CORO2A: variants seen among roughly 807,000 people sequenced by gnomAD.
The protein encoded by CORO2A is coronin-2A.
A neutral mutation model predicts 62.4 loss-of-function variants in CORO2A; 47 were observed. The observed-to-expected ratio is 0.75, with a 90% confidence interval of 0.60 to 0.96. The LOEUF (loss-of-function observed/expected upper bound fraction) is 0.96. Among genes scored for constraint, CORO2A ranks in the 40% least tolerant of loss-of-function variants. The pLI, the probability that CORO2A is intolerant of heterozygous loss-of-function variation, is 0.00. For synonymous variants in CORO2A, 273 were observed against 268.9 expected (o/e 1.02, Z -0.15); for missense variants, 610 against 684.1 (o/e 0.89, Z 1.21).
chr9:98,135,239 C>T (rs1256863110), intron 3 of CORO2A, among the ~76,000 whole-genome samples: 1 of 152,198 alleles, frequency 6.6e-6, no homozygotes, highest in Non-Finnish European at 1.5e-5. Flanking sequence ...CTTTGTCATC[C>T]TGCTGGCCTG....
At chr9:98,154,164 G>T (rs4743172) in intron 2 of CORO2A, among the ~76,000 whole-genome samples, 13,054 of 151,434 alleles carry the variant, frequency 0.086, 711 homozygotes, top group East Asian at 0.2. Flanking sequence ...TCCTTGTCTG[G>T]TTTTGGTATC....
In CORO2A at chr9:98,128,173, G is replaced by A. The variant is rs12375882; in HGVS notation, c.1168C>T (p.Arg390Ter). 5 of 1,612,142 alleles carry A rather than the reference G, an allele frequency of 3.1e-6. No homozygotes were observed. Among genetic ancestry groups the A allele is most frequent in the South Asian group, 1.1e-5 (1 of 90,668 alleles). The change falls in exon 10 of 12, where the codon CGA becomes TGA. Residue 390 changes from arginine to a stop codon, truncating the protein, a stop_gained. Transcript: ENST00000375077. LOFTEE classifies it high-confidence loss of function. ...GCCTCTTCTCTGCCTTCCTCACCTC[G>A]ATTCATCCCGCTGAGCCACTCCTGG... Reference protein sequence around the residue: ...TAQEWLSGMNRDPILVSLRPG... With the variant: ...TAQEWLSGMN
At chr9:98,182,488 C>T (rs537182737) in intron 1 of CORO2A, among the ~76,000 whole-genome samples, 6 of 152,274 alleles carry the variant, frequency 3.9e-5, no homozygotes, top group South Asian at 4.1e-4. Flanking sequence ...ACTCAGAGTA[C>T]CAGGCTTTTA....
chr9:98,144,488 T>C (rs994691107), intron 2 of CORO2A, among the ~76,000 whole-genome samples: 3 of 152,180 alleles, frequency 2.0e-5, no homozygotes, highest in East Asian at 1.9e-4. Flanking sequence ...ACTGAGGACA[T>C]ACTATGTGCC....
intron 2 of CORO2A, among the ~76,000 whole-genome samples, chr9:98,138,736 C>T (rs1356010569): frequency 6.6e-6 from 1 of 151,984 alleles, no homozygotes; most frequent in Admixed American, 6.6e-5. Context: ...TATCTGGAAC[C>T]CTAAGTAATG....
intron 2 of CORO2A, among the ~76,000 whole-genome samples, chr9:98,148,977 T>C (rs1052007523): frequency 5.1e-4 from 78 of 152,268 alleles, no homozygotes; most frequent in African/African-American, 1.8e-3. Flanking sequence ...TTAATTGTCA[T>C]CTGGGGTTAA....
At chr9:98,190,722 C>T (rs1269887832) in intron 1 of CORO2A, among the ~76,000 whole-genome samples, 1 of 152,082 alleles carries the variant, frequency 6.6e-6, no homozygotes, top group Non-Finnish European at 1.5e-5. Flanking sequence ...TAAATCAGGC[C>T]AAAAAGGCTT....
intron 3 of CORO2A, 35 bp from the exon 4 acceptor site, chr9:98,134,990 C>T: frequency 6.2e-7 from 1 of 1,607,036 alleles, no homozygotes; most frequent in Non-Finnish European, 8.5e-7. Context: ...GCAGCATTAG[C>T]CAGGGCACCT....
chr9:98,187,661 A>T (rs937170511), intron 1 of CORO2A, among the ~76,000 whole-genome samples: 1 of 152,080 alleles, frequency 6.6e-6, no homozygotes, highest in Admixed American at 6.6e-5. Context: ...TTTTATAAGA[A>T]CACTAATCCC....
chr9:98,145,267 T>C (rs1827627803), intron 2 of CORO2A, among the ~76,000 whole-genome samples: 1 of 152,132 alleles, frequency 6.6e-6, no homozygotes, highest in Non-Finnish European at 1.5e-5. Context: ...AGAAAATGTT[T>C]CCTACTTCGA....
At chr9:98,153,102 C>T (rs1359563704) in intron 2 of CORO2A, among the ~76,000 whole-genome samples, 1 of 152,034 alleles carries the variant, frequency 6.6e-6, no homozygotes, top group East Asian at 1.9e-4. Context: ...AACTTTTTCT[C>T]TTTTTTTGTT....
Position 98,128,718 on chromosome 9 carries a change from A to T in CORO2A, c.969T>A (p.Gly323=). The change falls in exon 9 of 12, where the codon GGT becomes GGA. Residue 323 remains glycine, a splice_region_variant and synonymous_variant. Transcript: ENST00000375077. The stretch of plus-strand genomic sequence containing the variant: ...CGTCGAGTCCTCTCTTTGGCATGAC[A>T]CCTGAAGGCAGACAGGGAGGGCCAA... ...YRSYNPQKGI[G]VMPKRGLDVS... 1.2e-6 allele frequency: 2 copies of T among 1,613,812 alleles called. No individual in the cohort carries two copies. The highest frequency in any genetic ancestry group is 1.7e-6 in the Non-Finnish European group (2 of 1,179,736).
intron 3 of CORO2A, among the ~76,000 whole-genome samples, 164 bp downstream of exon 3, chr9:98,137,408 C>G (rs1000457815): frequency 1.3e-5 from 2 of 152,096 alleles, no homozygotes; most frequent in Non-Finnish European, 2.9e-5. Flanking sequence ...CCTACAGCAC[C>G]AAGAATGTCT....
chr9:98,164,877 TACAGCGCTAA>T (rs1468388967), intron 1 of CORO2A, among the ~76,000 whole-genome samples: 1 of 152,132 alleles, frequency 6.6e-6, no homozygotes, highest in Non-Finnish European at 1.5e-5. Flanking sequence ...AGGCAGGACT[TACAGCGCTAA>T]ACTGGGGGAA....
intron 1 of CORO2A, among the ~76,000 whole-genome samples, chr9:98,175,905 T>C (rs1828103852): frequency 6.6e-6 from 1 of 152,198 alleles, no homozygotes; most frequent in African/African-American, 2.4e-5. Flanking sequence ...ATTTGTTAAA[T>C]AACTAAACTC....
intron 2 of CORO2A, 188 bp downstream of exon 2, chr9:98,157,272 C>G (rs1406899792): frequency 1.7e-6 from 1 of 581,382 alleles, no homozygotes; most frequent in Non-Finnish European, 3.0e-6. Context: ...CTGCTAGAGG[C>G]TAAAATTCAG....
intron 11 of CORO2A, among the ~76,000 whole-genome samples, chr9:98,126,166 G>A (rs534802948): frequency 6.6e-6 from 1 of 151,658 alleles, no homozygotes; most frequent in South Asian, 2.1e-4. Context: ...CTCTCAAGTA[G>A]CTGGGACTAC....
chr9:98,186,941 G>A (rs970142062), intron 1 of CORO2A, among the ~76,000 whole-genome samples: 2 of 152,094 alleles, frequency 1.3e-5, no homozygotes, highest in Admixed American at 1.3e-4. Flanking sequence ...CCATCTCTCT[G>A]CACCTGTCTT....
intron 1 of CORO2A, among the ~76,000 whole-genome samples, chr9:98,171,081 G>A (rs1224393302): frequency 1.3e-5 from 2 of 152,108 alleles, no homozygotes; most frequent in African/African-American, 2.4e-5. Flanking sequence ...TGGGAGTTTC[G>A]AGCGACAAGG....
Sources: gnomAD v4.1 joint callset for allele counts (sites outside exome capture counted in the v4.1 genomes callset) on GRCh38, gnomAD v4.1.1 for gene constraint, MANE v1.5 for transcripts, NCBI Gene and HGNC (gene_info 2026-07-23, HGNC 2026-07-21) for gene names.